The following CNTNAP5 variants were observed in gnomAD, a reference collection of about 807,000 sequenced individuals.
CNTNAP5 encodes contactin associated protein family member 5.
A neutral mutation model predicts 150.2 loss-of-function variants in CNTNAP5; 72 were observed. The observed-to-expected ratio is 0.48, with a 90% CI of 0.40 to 0.58. The LOEUF (loss-of-function observed/expected upper bound fraction) is 0.58, where lower values mean the gene tolerates loss of function less well. Among genes scored for constraint, CNTNAP5 ranks in the 20% least tolerant of loss-of-function variants. The pLI, the probability that CNTNAP5 is intolerant of heterozygous loss-of-function variation, is 0.00. For missense variants in CNTNAP5, 1,636 were observed against 1,626.2 expected (o/e 1.01, Z -0.10); for synonymous variants, 672 against 619.8 (o/e 1.08, Z -1.25).
At chr2:124,135,359 A>G (rs1333549531) in intron 1 of CNTNAP5, among the ~76,000 whole-genome samples, 7 of 152,252 alleles carry the variant, frequency 4.6e-5, no homozygotes, top group Non-Finnish European at 8.8e-5. Context: ...ACAGGCAAGC[A>G]AAGGGACCTT....
rs929093660 is a variant in CNTNAP5, at chr2:124,361,363, C to T, written c.382-56080C>T. On this transcript the variant is annotated intron_variant, in intron 3 of 23. Coordinates refer to ENST00000682447, the MANE Select transcript of CNTNAP5 (RefSeq NM_001367498.1). The stretch of plus-strand genomic sequence containing the variant: ...TCCGTTGCTGGTGAGGAACTGCATT[C>T]CTTTGGAGGAGGAGAGGAGCTCTGC... Among the ~76,000 whole-genome samples the T allele has an allele frequency of 2.1e-5, 3 of 144,736 alleles. 1 individual carries two copies. Among genetic ancestry groups the T allele is most frequent in the Admixed American group, 1.4e-4 (2 of 14,290 alleles). The allele number at this position is 144,736 out of a possible 152,430, so 95.0% of individuals were successfully genotyped here.
At chr2:124,547,565 T>A (rs1695541564) in intron 10 of CNTNAP5, among the ~76,000 whole-genome samples, 1 of 152,146 alleles carries the variant, frequency 6.6e-6, no homozygotes, top group South Asian at 2.1e-4. Context: ...GCTCCTGTTG[T>A]GTCAGTATCT....
chr2:124,320,641 A>G (rs1689076874), intron 3 of CNTNAP5, among the ~76,000 whole-genome samples: 1 of 152,216 alleles, frequency 6.6e-6, no homozygotes, highest in African/African-American at 2.4e-5. Flanking sequence ...GGAAAAAAGC[A>G]TAAAGATTCA....
At chr2:124,870,384 C>T (rs562875366) in intron 21 of CNTNAP5, among the ~76,000 whole-genome samples, 1 of 152,086 alleles carries the variant, frequency 6.6e-6, no homozygotes, top group African/African-American at 2.4e-5. Flanking sequence ...TGCCTGGCCT[C>T]TTTTCTCATT....
chr2:124,693,683 A>G (rs1679344418), intron 13 of CNTNAP5, among the ~76,000 whole-genome samples: 1 of 152,022 alleles, frequency 6.6e-6, no homozygotes, highest in Non-Finnish European at 1.5e-5. Flanking sequence ...TCCTTTCCCT[A>G]CTGGGCTCCA....
chr2:124,530,077 C>A (rs1695068397), intron 10 of CNTNAP5, among the ~76,000 whole-genome samples: 1 of 152,094 alleles, frequency 6.6e-6, no homozygotes, highest in African/African-American at 2.4e-5. Flanking sequence ...TTTAGGAGGC[C>A]AAGGAAGGCA....
chr2:124,450,878 G>C (rs1692951587), intron 6 of CNTNAP5, among the ~76,000 whole-genome samples: 1 of 150,322 alleles, frequency 6.7e-6, no homozygotes, highest in African/African-American at 2.5e-5. Flanking sequence ...AAATATATAT[G>C]ATTCAGGAGT....
chr2:124,359,201 C>G (rs1352503807), intron 3 of CNTNAP5, among the ~76,000 whole-genome samples: 1 of 151,204 alleles, frequency 6.6e-6, no homozygotes, highest in Non-Finnish European at 1.5e-5. Flanking sequence ...CTCTTTTTTT[C>G]TTTATTAGTC....
chr2:124,827,995 G>T (rs1682633832), intron 19 of CNTNAP5, among the ~76,000 whole-genome samples: 1 of 152,252 alleles, frequency 6.6e-6, no homozygotes, highest in Admixed American at 6.5e-5. Context: ...GCTCCAAGCT[G>T]CTCTTCCTTT....
chr2:124,470,915 G>A (rs776392684), intron 6 of CNTNAP5, among the ~76,000 whole-genome samples: 1 of 151,998 alleles, frequency 6.6e-6, no homozygotes, highest in Non-Finnish European at 1.5e-5. Context: ...CTATTCTATG[G>A]TTCCATTGGT....
intron 19 of CNTNAP5, among the ~76,000 whole-genome samples, chr2:124,834,514 T>TG (rs1682788678): frequency 6.6e-6 from 1 of 151,966 alleles, no homozygotes; most frequent in South Asian, 2.1e-4. Flanking sequence ...CAGGCTGTAA[T>TG]GGGGGGTATT....
At chr2:124,285,963 C>T (rs1215371649) in intron 3 of CNTNAP5, among the ~76,000 whole-genome samples, 1 of 152,034 alleles carries the variant, frequency 6.6e-6, no homozygotes, top group Non-Finnish European at 1.5e-5. Context: ...CATTTGGGTA[C>T]CCTTTTATTC....
intron 1 of CNTNAP5, among the ~76,000 whole-genome samples, chr2:124,213,894 G>T (rs1341911519): frequency 7.2e-5 from 11 of 152,096 alleles, no homozygotes; most frequent in Non-Finnish European, 1.5e-5. Context: ...GGGCATCCGT[G>T]TACAGATGCT....
chr2:124,634,569 C>A (rs1677933514), intron 12 of CNTNAP5, among the ~76,000 whole-genome samples: 1 of 152,088 alleles, frequency 6.6e-6, no homozygotes, highest in Admixed American at 6.5e-5. Context: ...AGTGCAGTGG[C>A]ATGATCTTGG....
chr2:124,588,937 G>T (rs2104957832), intron 11 of CNTNAP5, among the ~76,000 whole-genome samples: 1 of 152,124 alleles, frequency 6.6e-6, no homozygotes, highest in Non-Finnish European at 1.5e-5. Context: ...CAGACACCAG[G>T]CTCTGGTGCA....
intron 10 of CNTNAP5, among the ~76,000 whole-genome samples, chr2:124,550,089 G>T (rs1371873583): frequency 6.6e-6 from 1 of 152,238 alleles, no homozygotes; most frequent in African/African-American, 2.4e-5. Context: ...CCCAGAGTTA[G>T]CCTGGAGCTA....
chr2:124,196,141 A>G (rs918669667), intron 1 of CNTNAP5, among the ~76,000 whole-genome samples: 1 of 152,154 alleles, frequency 6.6e-6, no homozygotes, highest in East Asian at 1.9e-4. Flanking sequence ...GTCAAGCTAC[A>G]TGCACAATGG....
chr2:124,421,469 A>G (rs146342172), intron 4 of CNTNAP5, among the ~76,000 whole-genome samples: 154 of 152,310 alleles, frequency 1.0e-3, no homozygotes, highest in African/African-American at 3.4e-3. Context: ...TACAGCTCAC[A>G]GTAACTCTAT....
chr2:124,203,229 TCTC>T (rs367996430), intron 1 of CNTNAP5, among the ~76,000 whole-genome samples: 18 of 152,214 alleles, frequency 1.2e-4, no homozygotes, highest in African/African-American at 4.3e-4. Context: ...TTCAAAATGA[TCTC>T]CTTTGACTCC....
Sources: gnomAD v4.1 joint callset for allele counts (sites outside exome capture counted in the v4.1 genomes callset) on GRCh38, gnomAD v4.1.1 for gene constraint, MANE v1.5 for transcripts, NCBI Gene and HGNC (gene_info 2026-07-23, HGNC 2026-07-21) for gene names.